Variants in IFT52 observed in about 807,000 individuals in gnomAD.
IFT52 encodes the protein intraflagellar transport protein 52 homolog.
Under a neutral mutation model 54.4 loss-of-function variants are expected in IFT52, and 44 were observed. The observed-to-expected ratio is 0.81, with a 90% CI of 0.63 to 1.04. The LOEUF is 1.04. IFT52 is among the 50% of genes least tolerant of loss of function. The pLI is 0.00. For synonymous variants in IFT52, 181 were observed against 185.3 expected, an observed-to-expected ratio of 0.98 and a Z score of 0.19; for missense variants, 452 against 523.6, an observed-to-expected ratio of 0.86 and a Z score of 1.33.
At chr20:43,630,892 G>A (rs1985116957) in intron 10 of IFT52, among the ~76,000 whole-genome samples, 1 of 152,236 alleles carries the variant, frequency 6.6e-6, no homozygotes, top group African/African-American at 2.4e-5. Context: ...CAGGTGGTGA[G>A]CAGAGTGGAG....
intron 2 of IFT52, among the ~76,000 whole-genome samples, chr20:43,595,439 C>T (rs1981873626): frequency 6.6e-6 from 1 of 151,574 alleles, no homozygotes; most frequent in Non-Finnish European, 1.5e-5. Context: ...GTCCCAGCTG[C>T]TCGGGAGGCT....
At chr20:43,631,757 A>G (rs1985185786) in intron 10 of IFT52, among the ~76,000 whole-genome samples, 1 of 151,984 alleles carries the variant, frequency 6.6e-6, no homozygotes, top group Non-Finnish European at 1.5e-5. Flanking sequence ...CTGGCCTGCT[A>G]TTCTGTGAAA....
intron 3 of IFT52, among the ~76,000 whole-genome samples, chr20:43,599,562 A>C (rs1318959470): frequency 6.6e-6 from 1 of 152,184 alleles, no homozygotes; most frequent in East Asian, 1.9e-4. Context: ...TCTAGGAATC[A>C]GCATTCCTTT....
At chr20:43,611,138 A>C (rs1983413085) in intron 6 of IFT52, among the ~76,000 whole-genome samples, 1 of 152,172 alleles carries the variant, frequency 6.6e-6, no homozygotes, top group Admixed American at 6.6e-5. Flanking sequence ...GGTATGGACT[A>C]GTCCTGCTTC....
chr20:43,640,384 C>T (rs989064013), intron 12 of IFT52, among the ~76,000 whole-genome samples: 1 of 152,024 alleles, frequency 6.6e-6, no homozygotes, highest in Non-Finnish European at 1.5e-5. Context: ...TGCTTGAATT[C>T]GGGAGGTGGA....
rs766834545 is a variant in IFT52, at chr20:43,594,741, A to G, written c.43A>G (p.Lys15Glu). The change falls in exon 2 of 14, where the codon AAA becomes GAA. Residue 15 changes from lysine (K) to glutamate (E), a missense_variant. Lys to Glu is a moderately conservative substitution (Grantham distance 56). Transcript: ENST00000373030. ...GAGCACCATTCTTTTCAATGCCTAC[A>G]AAAAGGAGATATTTACCACCAACAA... ...LRSTILFNAY[K>E]KEIFTTNNGY... The G allele has an allele frequency of 1.9e-6, 3 of 1,613,264 alleles. No individual in the cohort carries two copies. The highest frequency in any genetic ancestry group is 2.5e-6 in the Non-Finnish European group (3 of 1,179,194).
intron 13 of IFT52, among the ~76,000 whole-genome samples, chr20:43,646,005 C>G (rs1056605363): frequency 1.1e-4 from 16 of 151,120 alleles, no homozygotes; most frequent in Admixed American, 2.0e-4. Context: ...GTCAGGAGAT[C>G]GAGACCATCC....
rs558488330 is a variant in IFT52, at chr20:43,591,032, G to A, written c.-29G>A. ...CGCGGGATGCTGGGCGGCGTCAGGT[G>A]AGCGGTGGTCGCTGGGCCTCAGGTA... is the stretch of plus-strand genomic sequence containing the variant. On this transcript the variant is annotated 5_prime_UTR_variant, in exon 1 of 14. An upstream open reading frame in the 5' UTR loses its in-frame stop. Transcript: ENST00000373030. The A allele has an allele frequency of 6.6e-6, 1 of 152,318 alleles. No homozygotes were observed. Among genetic ancestry groups the A allele is most frequent in the African/African-American group, 2.4e-5 (1 of 41,476 alleles). 9.4% of individuals were successfully genotyped at this position (152,318 alleles called of 1,614,324 possible). A position where few individuals can be genotyped will look rare whatever the true frequency, so the allele number is the denominator to read the frequency against.
chr20:43,603,889 G>A lies in IFT52; in HGVS notation c.337G>A (p.Asp113Asn), dbSNP rs926149908. ...LEEYGIMVNNDAVVRNVYHKY... is the reference protein window; with the variant it reads ...LEEYGIMVNNNAVVRNVYHKY... ...AGAATATGGAATCATGGTTAATAAT[G>A]GTAATTAGTATTATTATTTTCAGTA... The change falls in exon 4 of 14, where the codon GAT becomes AAT. Residue 113 changes from aspartate to asparagine, a missense_variant and splice_region_variant. Asp to Asn is a conservative substitution (Grantham distance 23). Coordinates refer to ENST00000373030, the MANE Select transcript of IFT52 (RefSeq NM_016004.5). 1 of 1,436,188 alleles carries A rather than the reference G, an allele frequency of 7.0e-7. No homozygotes were observed. The highest frequency in any genetic ancestry group is 9.7e-7 in the Non-Finnish European group (1 of 1,026,260). The allele number at this position is 1,436,188 out of a possible 1,614,324, so 89.0% of individuals were successfully genotyped here.
intron 7 of IFT52, among the ~76,000 whole-genome samples, chr20:43,616,540 A>G (rs1285120888): frequency 1.3e-5 from 2 of 151,766 alleles, no homozygotes; most frequent in African/African-American, 4.8e-5. Flanking sequence ...ATATTGTAGA[A>G]ATGTTACAAT....
At chr20:43,605,980 G>A (rs967470944) in intron 6 of IFT52, among the ~76,000 whole-genome samples, 2 of 152,102 alleles carry the variant, frequency 1.3e-5, no homozygotes, top group East Asian at 2.0e-4. Flanking sequence ...CAGCACTTTG[G>A]GTGGCCAAGG....
rs182407918 is a variant in IFT52, at chr20:43,629,561, C to T, written c.923+5516C>T. Among the ~76,000 whole-genome samples the T allele has an allele frequency of 2.4e-3, 363 of 152,326 alleles. 1 individual carries two copies. The highest frequency in any genetic ancestry group is 4.1e-3 in the Non-Finnish European group (277 of 68,036). ...TGCTGGGATTACAGGCGTCAGCCAC[C>T]GAGCCCGGCCCCAACTTAAGTTTTA... On this transcript the variant is annotated intron_variant, in intron 10 of 13. Coordinates refer to ENST00000373030, the MANE Select transcript of IFT52 (RefSeq NM_016004.5).
At chr20:43,622,055 T>G (rs1984341372) in intron 9 of IFT52, among the ~76,000 whole-genome samples, 1 of 152,202 alleles carries the variant, frequency 6.6e-6, no homozygotes. Context: ...GCACTTACTC[T>G]ACAATTGTTT....
rs146884590 is a variant in IFT52 at position 43,593,555 on chromosome 20, G to A, written c.-6-1138G>A. On this transcript the variant is annotated intron_variant, in intron 1 of 13. Coordinates refer to ENST00000373030, the MANE Select transcript of IFT52 (RefSeq NM_016004.5). ...ATGGTAGATCCATAAAATGAATACT[G>A]TGTAGCTGTTTTTGTTGTTGTTGTT... 3.9e-3 allele frequency among the ~76,000 whole-genome samples: 598 copies of A among 152,212 alleles called. 3 individuals carry two copies. In the Middle Eastern group the frequency reaches 0.041, roughly 10 times the overall value.
chr20:43,647,091 A>C lies in IFT52; in HGVS notation c.*108A>C. The C allele has an allele frequency of 1.0e-6, 1 of 956,362 alleles. No homozygotes were observed. The highest frequency in any genetic ancestry group is 1.7e-6 in the Non-Finnish European group (1 of 589,652). 59.2% of individuals were successfully genotyped at this position (956,362 alleles called of 1,614,324 possible). On this transcript the variant is annotated 3_prime_UTR_variant, in exon 14 of 14. Coordinates refer to ENST00000373030, the MANE Select transcript of IFT52 (RefSeq NM_016004.5). Reference sequence around the variant, plus strand: ...AAATTGTTTATACACTCTTTCCTCCATGAGCTCTGGAAGGTATATGCATCT... The same window carrying C: ...AAATTGTTTATACACTCTTTCCTCCCTGAGCTCTGGAAGGTATATGCATCT...
intron 3 of IFT52, among the ~76,000 whole-genome samples, chr20:43,602,442 A>G (rs2145596230): frequency 6.6e-6 from 1 of 151,924 alleles, no homozygotes; most frequent in East Asian, 1.9e-4. Context: ...GATTACAGGC[A>G]TGAGCCACTG....
In IFT52 at chr20:43,613,847, C is replaced by T. The variant is rs762365050; in HGVS notation, c.486-3C>T. ...TTGAATGTGTTTCTTTAATTTCTTA[C>T]AGGGCTCTCACCTTTGTGTATCCTT... is the stretch of plus-strand genomic sequence containing the variant. On this transcript the variant is annotated splice_polypyrimidine_tract_variant and splice_region_variant and intron_variant, in intron 6 of 13. Coordinates refer to ENST00000373030, the MANE Select transcript of IFT52 (RefSeq NM_016004.5). 2 of 1,605,192 alleles carry T rather than the reference C, an allele frequency of 1.2e-6. No individual in the cohort carries two copies. The highest frequency in any genetic ancestry group is 3.5e-5 in the Admixed American group (2 of 56,738).
intron 6 of IFT52, among the ~76,000 whole-genome samples, chr20:43,612,708 C>T (rs1277021147): frequency 1.1e-4 from 1 of 8,736 alleles, no homozygotes; most frequent in African/African-American, 2.4e-4. Flanking sequence ...CAAAACAAAA[C>T]AAACAAAAAC....
intron 10 of IFT52, among the ~76,000 whole-genome samples, chr20:43,627,092 G>A (rs1422700815): frequency 2.0e-5 from 3 of 151,932 alleles, no homozygotes; most frequent in Non-Finnish European, 4.4e-5. Flanking sequence ...ACTTGAACCC[G>A]GGTGGCAGAA....
Sources: gnomAD v4.1 joint callset for allele counts (sites outside exome capture counted in the v4.1 genomes callset) on GRCh38, gnomAD v4.1.1 for gene constraint, MANE v1.5 for transcripts, NCBI Gene and HGNC (gene_info 2026-07-23, HGNC 2026-07-21) for gene names.